BAZ2B: variants seen among roughly 807,000 people sequenced by gnomAD.
BAZ2B encodes bromodomain adjacent to zinc finger domain protein 2B.
A neutral mutation model predicts 246.0 loss-of-function variants in BAZ2B; 91 were observed. The observed-to-expected ratio is 0.37, with a 90% CI of 0.31 to 0.44. The LOEUF (loss-of-function observed/expected upper bound fraction) is 0.44. BAZ2B is among the 20% of genes least tolerant of loss of function. The probability of loss-of-function intolerance (pLI) is 1.00; values close to 1 mark genes in which losing one functional copy is unlikely to be tolerated. For missense variants in BAZ2B, 2,332 were observed against 2,533.7 expected (o/e 0.92, Z 1.71); for synonymous variants, 855 against 860.0 (o/e 0.99, Z 0.10).
the BAZ2B span, among the ~76,000 whole-genome samples, chr2:159,631,871 G>A: frequency 6.6e-6 from 1 of 151,978 alleles, no homozygotes; most frequent in Non-Finnish European, 1.5e-5. Context: ...AAATATATGT[G>A]TCCAATACAT....
chr2:159,490,931 T>A (rs1268762480), intron 2 of BAZ2B, among the ~76,000 whole-genome samples: 2 of 152,126 alleles, frequency 1.3e-5, no homozygotes, highest in African/African-American at 4.8e-5. Flanking sequence ...AATGCACCTA[T>A]AACATGCTTT....
At chr2:159,372,354 T>C (rs976514763) in intron 27 of BAZ2B, among the ~76,000 whole-genome samples, 3 of 152,228 alleles carry the variant, frequency 2.0e-5, no homozygotes, top group Non-Finnish European at 4.4e-5. Flanking sequence ...TTCTAAAATA[T>C]ATAAGCACTA....
At chr2:159,650,019 C>T in the BAZ2B span, among the ~76,000 whole-genome samples, 1 of 152,122 alleles carries the variant, frequency 6.6e-6, no homozygotes, top group Non-Finnish European at 1.5e-5. Flanking sequence ...TTAATCCCAT[C>T]TCTTGTGTTT....
intron 6 of BAZ2B, among the ~76,000 whole-genome samples, chr2:159,441,099 C>G (rs1004974853): frequency 1.3e-5 from 2 of 152,126 alleles, no homozygotes; most frequent in African/African-American, 4.8e-5. Context: ...TTGTAGTTTT[C>G]TAAGCATGTA....
intron 36 of BAZ2B, among the ~76,000 whole-genome samples, chr2:159,323,316 A>G (rs928718440): frequency 1.3e-5 from 2 of 151,838 alleles, no homozygotes; most frequent in African/African-American, 4.8e-5. Flanking sequence ...TTTGTTATAA[A>G]TATTTCTAAG....
intron 2 of BAZ2B, among the ~76,000 whole-genome samples, chr2:159,480,158 T>C (rs1355944965): frequency 1.3e-5 from 2 of 152,120 alleles, no homozygotes; most frequent in African/African-American, 4.8e-5. Flanking sequence ...ACTCTTTACC[T>C]AGAAGTGAGT....
At chr2:159,412,287 T>C in intron 14 of BAZ2B, 48 bp downstream of exon 14, 2 of 1,552,880 alleles carry the variant, frequency 1.3e-6, no homozygotes, top group South Asian at 1.1e-5. Flanking sequence ...ATACTTTTAG[T>C]ATACTTTTTA....
rs1553468309 is a variant in BAZ2B, at chr2:159,320,292, C to CT, written c.6479dup (p.Trp2161ValfsTer12). The CT allele has an allele frequency of 1.5e-5, 23 of 1,561,652 alleles. No homozygotes were observed. Among genetic ancestry groups the CT allele is most frequent in the Admixed American group, 9.4e-5 (4 of 42,634 alleles). ...AGCTCACTTTGAAAGTATCTGTCCACTTTTTTTCAAAATACTTCCTCATAT... is the reference window on the plus strand; with the variant it reads ...AGCTCACTTTGAAAGTATCTGTCCACTTTTTTTTCAAAATACTTCCTCATAT... On this transcript the variant is annotated frameshift_variant, in exon 37 of 37. Transcript: ENST00000392783. LOFTEE classifies it high-confidence loss of function.
At chr2:159,454,428 C>T (rs571882661) in intron 3 of BAZ2B, among the ~76,000 whole-genome samples, 1 of 152,292 alleles carries the variant, frequency 6.6e-6, no homozygotes, top group South Asian at 2.1e-4. Context: ...CTACCACACA[C>T]CTAGGCTATA....
intron 1 of BAZ2B, among the ~76,000 whole-genome samples, chr2:159,591,225 C>G (rs72960279): frequency 0.063 from 9,633 of 152,194 alleles, 381 homozygotes; most frequent in Non-Finnish European, 0.091. Flanking sequence ...AAGCTCTTTC[C>G]TAAAAGCTTT....
rs114426521 is a variant in BAZ2B, at chr2:159,424,523, C to T, written c.2466+3418G>A. Among the ~76,000 whole-genome samples the T allele has an allele frequency of 5.2e-3, 784 of 152,166 alleles. 13 individuals are homozygous for T. The highest frequency in any genetic ancestry group is 0.018 in the African/African-American group (760 of 41,514). On this transcript the variant is annotated intron_variant, in intron 13 of 36. Coordinates refer to ENST00000392783, the MANE Select transcript of BAZ2B (RefSeq NM_013450.4). ...ATGGAGAACTGGAATTCTGCTGATG[C>T]AATTTTTGTTATGTGTTAAGTAAAA...
rs114710147 is a variant in BAZ2B at position 159,602,474 on chromosome 2, C to T, written c.-46+13768G>A. On this transcript the variant is annotated intron_variant, in intron 1 of 36. Transcript: ENST00000392783. ...ATAAATTATAATAGGGTAATAAACACTCAAAACATTACTTCCTAATTATTT... is the reference window on the plus strand; with the variant it reads ...ATAAATTATAATAGGGTAATAAACATTCAAAACATTACTTCCTAATTATTT... 4.6e-3 allele frequency among the ~76,000 whole-genome samples: 693 copies of T among 152,182 alleles called. 4 individuals are homozygous for T. The highest frequency in any genetic ancestry group is 0.015 in the African/African-American group (640 of 41,524).
chr2:159,440,566 G>A (rs1348144699), intron 6 of BAZ2B, among the ~76,000 whole-genome samples: 1 of 150,114 alleles, frequency 6.7e-6, no homozygotes, highest in Non-Finnish European at 1.5e-5. Flanking sequence ...GCCCAGGCTG[G>A]AGTACAGTGG....
the BAZ2B span, among the ~76,000 whole-genome samples, chr2:159,678,055 C>A: frequency 6.6e-6 from 1 of 152,104 alleles, no homozygotes; most frequent in African/African-American, 2.4e-5. Flanking sequence ...CACGCTATTA[C>A]AGTTAGAATG....
intron 2 of BAZ2B, among the ~76,000 whole-genome samples, 175 bp from the exon 3 acceptor site, chr2:159,478,896 T>A (rs1485260009): frequency 6.6e-6 from 1 of 152,210 alleles, no homozygotes; most frequent in Non-Finnish European, 1.5e-5. Flanking sequence ...TACCAACTTA[T>A]GGAATAAGTT....
chr2:159,413,327 G>A (rs1256254013), intron 13 of BAZ2B, among the ~76,000 whole-genome samples: 3 of 152,180 alleles, frequency 2.0e-5, no homozygotes, highest in Non-Finnish European at 4.4e-5. Flanking sequence ...AAAACTGTAG[G>A]AAGTTTAACT....
At chr2:159,431,551 A>C (rs10180868) in intron 9 of BAZ2B, among the ~76,000 whole-genome samples, 73,303 of 151,956 alleles carry the variant, frequency 0.48, 18,554 homozygotes, top group Middle Eastern at 0.6. Context: ...GAGAAATCTG[A>C]AACTACCAGC....
intron 1 of BAZ2B, among the ~76,000 whole-genome samples, chr2:159,570,244 G>A (rs567944575): frequency 1.3e-5 from 2 of 151,286 alleles, no homozygotes; most frequent in South Asian, 4.2e-4. Context: ...GAGTGCAGTG[G>A]CGCAATTTCA....
chr2:159,412,070 G>C, intron 14 of BAZ2B: 1 of 651,320 alleles, frequency 1.5e-6, no homozygotes, highest in Non-Finnish European at 1.9e-6. Context: ...TTCCCTTTCT[G>C]TGCAAGCCTT....
Sources: allele counts gnomAD v4.1 joint callset (sites outside exome capture counted in the v4.1 genomes callset), GRCh38; gene constraint gnomAD v4.1.1; transcripts MANE v1.5; gene names NCBI Gene and HGNC (gene_info 2026-07-23, HGNC 2026-07-21).